CTNNA2: variants seen among roughly 807,000 people sequenced by gnomAD.
CTNNA2 encodes catenin alpha 2.
Under a neutral mutation model 101.0 loss-of-function variants are expected in CTNNA2, and 42 were observed. The observed-to-expected ratio is 0.42, with a 90% CI of 0.32 to 0.54. CTNNA2 has a LOEUF of 0.54. Ranked by LOEUF, CTNNA2 falls within the 20% of genes least tolerant of loss-of-function variation. The pLI is 0.14. For synonymous variants in CTNNA2, 450 were observed against 456.4 expected, an observed-to-expected ratio of 0.99 and a Z score of 0.18; for missense variants, 871 against 1,223.1, an observed-to-expected ratio of 0.71 and a Z score of 4.29.
At chr2:79,504,125 G>A (rs1671361161) in intron 4 of CTNNA2, among the ~76,000 whole-genome samples, 1 of 152,128 alleles carries the variant, frequency 6.6e-6, no homozygotes, top group South Asian at 2.1e-4. Context: ...TTGTGGCTGG[G>A]GGCAAAGTAT....
chr2:80,039,105 G>A (rs774404572), intron 7 of CTNNA2, among the ~76,000 whole-genome samples: 25 of 152,102 alleles, frequency 1.6e-4, no homozygotes, highest in Non-Finnish European at 3.1e-4. Context: ...GAATTCAAGG[G>A]CATGTTTTAT....
At chr2:80,639,711 T>G (rs1673259952) in intron 18 of CTNNA2, among the ~76,000 whole-genome samples, 1 of 152,202 alleles carries the variant, frequency 6.6e-6, no homozygotes, top group South Asian at 2.1e-4. Flanking sequence ...ATTTCATTAA[T>G]TAGCAACTCA....
chr2:80,279,049 C>CGTGTGT (rs3219982), intron 7 of CTNNA2, among the ~76,000 whole-genome samples: 3,373 of 135,792 alleles, frequency 0.025, 102 homozygotes, highest in African/African-American at 0.07. Context: ...ATGACTTTTA[C>CGTGTGT]GTGTGTGTGT....
At chr2:80,540,721 GTCTC>G (rs899913644) in intron 9 of CTNNA2, among the ~76,000 whole-genome samples, 2 of 152,038 alleles carry the variant, frequency 1.3e-5, no homozygotes, top group Admixed American at 6.6e-5. Flanking sequence ...TGGAGATGGA[GTCTC>G]TCTCTGTCAC....
chr2:79,988,376 C>G (rs907635187), intron 7 of CTNNA2, among the ~76,000 whole-genome samples: 11 of 151,926 alleles, frequency 7.2e-5, no homozygotes, highest in African/African-American at 2.7e-4. Context: ...ACCCACTGAC[C>G]AAGAGGGCAT....
intron 7 of CTNNA2, among the ~76,000 whole-genome samples, chr2:80,124,348 A>G (rs1264187865): frequency 6.6e-6 from 1 of 152,082 alleles, no homozygotes; most frequent in Non-Finnish European, 1.5e-5. Context: ...GTGCTTACAC[A>G]CCTTGCCTCA....
At chr2:79,404,669 A>T (rs1678323542) in intron 4 of CTNNA2, among the ~76,000 whole-genome samples, 1 of 152,082 alleles carries the variant, frequency 6.6e-6, no homozygotes, top group African/African-American at 2.4e-5. Context: ...GGCATGAGAG[A>T]AAAGGCTGAG....
At chr2:80,458,946 G>A (rs1381991895) in intron 9 of CTNNA2, among the ~76,000 whole-genome samples, 1 of 152,136 alleles carries the variant, frequency 6.6e-6, no homozygotes, top group Non-Finnish European at 1.5e-5. Flanking sequence ...GCCCTATACA[G>A]ATGTACAATT....
chr2:79,407,094 A>G (rs933420977), intron 4 of CTNNA2, among the ~76,000 whole-genome samples: 3 of 152,022 alleles, frequency 2.0e-5, no homozygotes, highest in African/African-American at 7.2e-5. Flanking sequence ...TTCCGTCCCA[A>G]TGTATAACCC....
chr2:79,704,635 C>T (rs1223132928), intron 2 of CTNNA2, among the ~76,000 whole-genome samples: 2 of 151,670 alleles, frequency 1.3e-5, no homozygotes, highest in African/African-American at 2.4e-5. Context: ...GCCTCAGCCT[C>T]CCAAGTAGCT....
At chr2:79,912,404 T>C (rs1465523563) in intron 7 of CTNNA2, among the ~76,000 whole-genome samples, 1 of 152,204 alleles carries the variant, frequency 6.6e-6, no homozygotes, top group Non-Finnish European at 1.5e-5. Flanking sequence ...TTGAGCTCAA[T>C]AGGATAGCAG....
intron 2 of CTNNA2, among the ~76,000 whole-genome samples, chr2:79,237,412 C>T (rs1261729597): frequency 6.6e-6 from 1 of 152,188 alleles, no homozygotes; most frequent in Admixed American, 6.5e-5. Flanking sequence ...AGATTGAGCA[C>T]AATTCTTAAG....
intron 11 of CTNNA2, among the ~76,000 whole-genome samples, chr2:80,552,595 C>T (rs769835862): frequency 1.3e-5 from 2 of 152,028 alleles, no homozygotes; most frequent in Non-Finnish European, 2.9e-5. Context: ...CTGGGAAATG[C>T]ATCGTTGGGC....
At position 80,203,135 on chromosome 2, in the gene CTNNA2, G is replaced by T. The variant is rs1258753088; in HGVS notation, c.1057-190076G>T. ...ACCTGGTCCCTCCCATAACACATGGGAATTATGGGAACTACAAGATGAGAT... is the reference window on the plus strand; with the variant it reads ...ACCTGGTCCCTCCCATAACACATGGTAATTATGGGAACTACAAGATGAGAT... On this transcript the variant is annotated intron_variant, in intron 7 of 18. Coordinates refer to ENST00000402739, the MANE Select transcript of CTNNA2 (RefSeq NM_001282597.3). Among the ~76,000 whole-genome samples, 3 of 152,256 alleles carry T rather than the reference G, an allele frequency of 2.0e-5. No homozygotes were observed. The East Asian group carries it at 5.8e-4, about 29-fold the overall frequency.
intron 2 of CTNNA2, among the ~76,000 whole-genome samples, chr2:79,219,100 C>A (rs1048852177): frequency 6.6e-6 from 1 of 152,070 alleles, no homozygotes; most frequent in African/African-American, 2.4e-5. Flanking sequence ...CCTTTACTTC[C>A]TCCTATTTTT....
At chr2:79,793,644 C>A (rs1488706154) in intron 3 of CTNNA2, among the ~76,000 whole-genome samples, 1 of 152,094 alleles carries the variant, frequency 6.6e-6, no homozygotes, top group African/African-American at 2.4e-5. Flanking sequence ...TGCATATGCT[C>A]ACAAGATGTG....
intron 1 of CTNNA2, among the ~76,000 whole-genome samples, chr2:79,600,655 T>C (rs1000742720): frequency 6.6e-6 from 1 of 152,138 alleles, no homozygotes; most frequent in African/African-American, 2.4e-5. Context: ...TAAGAAAAAT[T>C]AAAATATATA....
intron 7 of CTNNA2, among the ~76,000 whole-genome samples, chr2:80,326,086 C>G (rs973654017): frequency 6.6e-6 from 1 of 152,132 alleles, no homozygotes; most frequent in Non-Finnish European, 1.5e-5. Flanking sequence ...TCATCATTTT[C>G]AAAGTCGCAG....
chr2:79,263,904 A>G (rs946185489), intron 2 of CTNNA2, among the ~76,000 whole-genome samples: 2 of 152,216 alleles, frequency 1.3e-5, no homozygotes, highest in African/African-American at 4.8e-5. Context: ...TTATAGAAAC[A>G]CAAAATAGAA....
Sources: allele counts gnomAD v4.1 joint callset (sites outside exome capture counted in the v4.1 genomes callset), GRCh38; gene constraint gnomAD v4.1.1; transcripts MANE v1.5; gene names NCBI Gene and HGNC (gene_info 2026-07-23, HGNC 2026-07-21).